CPLANE1: variants seen among roughly 807,000 people sequenced by gnomAD.
CPLANE1 encodes ciliogenesis and planar polarity effector complex subunit 1.
In CPLANE1, 263 loss-of-function variants were observed where a neutral mutation model predicts 362.5. The observed-to-expected ratio is 0.73, with a 90% CI of 0.66 to 0.80. The LOEUF is 0.80. Among genes scored for constraint, CPLANE1 ranks in the 30% least tolerant of loss-of-function variants. The probability of loss-of-function intolerance (pLI) is 0.00; values close to 1 mark genes in which losing one functional copy is unlikely to be tolerated. For missense variants in CPLANE1, 3,461 were observed against 3,793.4 expected (o/e 0.91, Z 2.30); for synonymous variants, 1,212 against 1,302.6 (o/e 0.93, Z 1.50).
At position 37,170,113 on chromosome 5, in the gene CPLANE1, C is replaced by A. The variant is rs771676867; in HGVS notation, c.6390G>T (p.Glu2130Asp). 1.2e-6 allele frequency: 2 copies of A among 1,614,150 alleles called. No homozygotes were observed. The highest frequency in any genetic ancestry group is 1.1e-5 in the South Asian group (1 of 91,074). Residue 2130 changes from glutamate (E) to aspartate (D), a missense_variant, in exon 33 of 53, where the codon GAG (glutamate) becomes GAT (aspartate). Physicochemically the swap from Glu to Asp is conservative, Grantham distance 45 (BLOSUM62 2). This residue lies in a region of CPLANE1 where 3,380 missense variants were observed against 3,666.1 expected (regional missense o/e 0.92). Transcript: ENST00000651892. The stretch of plus-strand genomic sequence containing the variant: ...GGCAGTGTGGGCTGTTCTTGCGAGG[C>A]TCTCTGGCGTTCTCTCCCATTGACT... ...KPQSMGENAR[E>D]PRKNSPHCHE...
At chr5:37,152,748 G>A (rs1206483529) in intron 42 of CPLANE1, among the ~76,000 whole-genome samples, 2 of 152,090 alleles carry the variant, frequency 1.3e-5, no homozygotes, top group African/African-American at 2.4e-5. Flanking sequence ...ACTTAGCTGA[G>A]AGTGGTGGTG....
At chr5:37,138,066 C>A (rs771162373) in intron 46 of CPLANE1, among the ~76,000 whole-genome samples, 5 of 152,214 alleles carry the variant, frequency 3.3e-5, no homozygotes, top group Non-Finnish European at 5.9e-5. Flanking sequence ...TTCAATTGCT[C>A]AAGTGTCTAA....
At chr5:37,121,391 T>C (rs958688247) in intron 49 of CPLANE1, among the ~76,000 whole-genome samples, 14 of 152,240 alleles carry the variant, frequency 9.2e-5, no homozygotes, top group African/African-American at 3.4e-4. Flanking sequence ...AATACCTAAA[T>C]GCTCTGTAAG....
chr5:37,180,260 GTTTT>G, intron 27 of CPLANE1, 77 bp from the exon 28 acceptor site: 1 of 667,278 alleles, frequency 1.5e-6, no homozygotes, highest in Middle Eastern at 3.6e-4. Flanking sequence ...TTTTTTTTTT[GTTTT>G]TTTTTTTAAG....
chr5:37,159,680 T>C (rs1352755926), intron 38 of CPLANE1, among the ~76,000 whole-genome samples: 1 of 152,202 alleles, frequency 6.6e-6, no homozygotes, highest in Non-Finnish European at 1.5e-5. Flanking sequence ...TGAGTACTTG[T>C]TACCAAAGCT....
chr5:37,186,037 G>A (rs955883090), intron 24 of CPLANE1, among the ~76,000 whole-genome samples: 1 of 152,148 alleles, frequency 6.6e-6, no homozygotes, highest in Non-Finnish European at 1.5e-5. Flanking sequence ...CAGAGAGACT[G>A]AGCAACTTGC....
intron 19 of CPLANE1, among the ~76,000 whole-genome samples, chr5:37,199,753 G>C (rs1788617518): frequency 6.6e-6 from 1 of 152,138 alleles, no homozygotes; most frequent in African/African-American, 2.4e-5. Flanking sequence ...CAGTTTTTGA[G>C]TATCTGCCCA....
At chr5:37,215,483 T>C (rs1793780995) in intron 15 of CPLANE1, among the ~76,000 whole-genome samples, 1 of 152,132 alleles carries the variant, frequency 6.6e-6, no homozygotes, top group Non-Finnish European at 1.5e-5. Flanking sequence ...TAGTCAACAG[T>C]AGGCTATTAA....
rs868284677 is a variant in CPLANE1, at chr5:37,162,482, C to A, written c.7673G>T (p.Ser2558Ile). Residue 2558 changes from serine (S) to isoleucine (I), a missense_variant, in exon 38 of 53, where the codon AGT becomes ATT. Ser to Ile is a moderately radical substitution (Grantham distance 142). This residue lies in a region of CPLANE1 where 3,380 missense variants were observed against 3,666.1 expected (regional missense o/e 0.92). Coordinates refer to ENST00000651892, the MANE Select transcript of CPLANE1 (RefSeq NM_001384732.1). The part of the protein sequence containing the change: ...KKKAIGSQDA[S>I]TNTDPEHEPL... ...GCATTTACCTGGGTCTGTATTTGTACTTGCATCTTGACTTCCTATAGCTTT... is the reference window on the plus strand; with the variant it reads ...GCATTTACCTGGGTCTGTATTTGTAATTGCATCTTGACTTCCTATAGCTTT... 1 of 1,608,464 alleles carries A rather than the reference C, an allele frequency of 6.2e-7. No individual in the cohort carries two copies. The highest frequency in any genetic ancestry group is 1.1e-5 in the South Asian group (1 of 90,840).
the CPLANE1 span, chr5:37,085,686 A>G: frequency 1.1e-5 from 13 of 1,138,442 alleles, no homozygotes; most frequent in Non-Finnish European, 1.6e-5. Flanking sequence ...GACGTGGTTC[A>G]CATGAAAGAT....
rs1026851353 is a variant in CPLANE1 at position 37,170,244 on chromosome 5, A to T, written c.6259T>A (p.Ser2087Thr). The part of the protein sequence containing the change: ...LPDTQQLVQQ[S>T]QSVHLGESQE... Reference sequence around the variant, plus strand: ...CTTTCCCCTAAATGCACAGACTGAGACTGCTGTACAAGTTGTTGTGTATCT... The same window carrying T: ...CTTTCCCCTAAATGCACAGACTGAGTCTGCTGTACAAGTTGTTGTGTATCT... Residue 2087 changes from serine to threonine, a missense_variant, in exon 33 of 53, where the codon TCT becomes ACT. Transcript: ENST00000651892. The T allele has an allele frequency of 3.7e-6, 6 of 1,614,060 alleles. No individual in the cohort carries two copies. The African/African-American group carries it at 8.0e-5, about 22-fold the overall frequency.
At chr5:37,103,776 C>A (rs1757411018), downstream of CPLANE1, among the ~76,000 whole-genome samples, 1 of 151,996 alleles carries the variant, frequency 6.6e-6, no homozygotes, top group Non-Finnish European at 1.5e-5. Context: ...GGTGACCTGG[C>A]CTCTCTGGCT....
chr5:37,214,508 A>G (rs1330252056), intron 15 of CPLANE1, among the ~76,000 whole-genome samples: 3 of 152,152 alleles, frequency 2.0e-5, no homozygotes, highest in African/African-American at 7.2e-5. Context: ...TTACACAAAC[A>G]CTTACAGGCC....
In CPLANE1 at chr5:37,157,810, A is replaced by T. The variant is rs749523755; in HGVS notation, c.7871T>A (p.Leu2624Ter). ...ATTTGAAGGCTCTTCTCTCACAGGTAATTCCTGTAGAAGATCATTAGCTTC... is the reference window on the plus strand; with the variant it reads ...ATTTGAAGGCTCTTCTCTCACAGGTTATTCCTGTAGAAGATCATTAGCTTC... ...DIEANDLLQE[L>*]PVREEPSNDN... The change falls in exon 40 of 53, where the codon TTA becomes TAA. Residue 2624 changes from leucine to a stop codon, truncating the protein, a stop_gained. Transcript: ENST00000651892. LOFTEE classifies it high-confidence loss of function. 1.9e-5 allele frequency: 31 copies of T among 1,613,394 alleles called. No individual in the cohort carries two copies. The highest frequency in any genetic ancestry group is 2.5e-5 in the Non-Finnish European group (30 of 1,179,740).
intron 45 of CPLANE1, 54 bp from the exon 46 acceptor site, chr5:37,138,902 AC>A: frequency 6.8e-7 from 1 of 1,465,202 alleles, no homozygotes; most frequent in Non-Finnish European, 9.3e-7. Flanking sequence ...CAACTTAATT[AC>A]ATTAAGCAAA....
intron 50 of CPLANE1, among the ~76,000 whole-genome samples, 198 bp from the exon 51 acceptor site, chr5:37,115,247 T>C (rs951230718): frequency 6.6e-6 from 1 of 152,196 alleles, no homozygotes; most frequent in Non-Finnish European, 1.5e-5. Context: ...AGAAAGGGAA[T>C]ACTTTGCTTT....
intron 15 of CPLANE1, among the ~76,000 whole-genome samples, chr5:37,219,812 A>G (rs1794962058): frequency 6.6e-6 from 1 of 152,196 alleles, no homozygotes; most frequent in Non-Finnish European, 1.5e-5. Flanking sequence ...GGTAATATAT[A>G]CATATACATG....
intron 26 of CPLANE1, among the ~76,000 whole-genome samples, chr5:37,181,323 G>T (rs1331921556): frequency 1.3e-5 from 2 of 152,030 alleles, no homozygotes; most frequent in African/African-American, 2.4e-5. Context: ...CATTCCCTTT[G>T]CTATATCATA....
At chr5:37,155,750 A>G (rs1774908812) in intron 41 of CPLANE1, among the ~76,000 whole-genome samples, 1 of 152,248 alleles carries the variant, frequency 6.6e-6, no homozygotes, top group Admixed American at 6.5e-5. Context: ...GATAAATGAA[A>G]TTAATCTGTA....
Sources: gnomAD v4.1 joint callset for allele counts (sites outside exome capture counted in the v4.1 genomes callset) on GRCh38, gnomAD v4.1.1 for gene constraint, gnomAD v4.1.1 regional missense constraint, MANE v1.5 for transcripts, NCBI Gene and HGNC (gene_info 2026-07-23, HGNC 2026-07-21) for gene names.